Variants in DPYD observed in about 807,000 individuals in gnomAD.
The protein encoded by DPYD is dihydropyrimidine dehydrogenase.
In DPYD, 109 loss-of-function variants were observed where a neutral mutation model predicts 116.2. That is an observed-to-expected ratio of 0.94 (90% CI 0.80 to 1.10). The LOEUF is 1.10. Among genes scored for constraint, DPYD ranks in the 50% least tolerant of loss-of-function variants. The probability of loss-of-function intolerance (pLI) is 0.00; values close to 1 mark genes in which losing one functional copy is unlikely to be tolerated. For missense variants in DPYD, 1,302 were observed against 1,254.5 expected (o/e 1.04, Z -0.57); for synonymous variants, 440 against 432.0 (o/e 1.02, Z -0.23).
At chr1:97,543,513 T>C (rs926843630) in intron 12 of DPYD, among the ~76,000 whole-genome samples, 1 of 152,200 alleles carries the variant, frequency 6.6e-6, no homozygotes, top group African/African-American at 2.4e-5. Flanking sequence ...CTATAATCTG[T>C]TTATAAAATC....
At chr1:97,792,182 C>T (rs1667352178) in intron 3 of DPYD, among the ~76,000 whole-genome samples, 1 of 152,118 alleles carries the variant, frequency 6.6e-6, no homozygotes, top group Admixed American at 6.6e-5. Flanking sequence ...GTAAGAAGAC[C>T]TTAATCATAG....
At chr1:97,544,083 G>A (rs1275384876) in intron 12 of DPYD, among the ~76,000 whole-genome samples, 1 of 152,140 alleles carries the variant, frequency 6.6e-6, no homozygotes, top group African/African-American at 2.4e-5. Flanking sequence ...TCATTGAAGG[G>A]TTTTAAATGA....
At chr1:97,296,647 T>C (rs1283897804) in intron 18 of DPYD, among the ~76,000 whole-genome samples, 1 of 152,096 alleles carries the variant, frequency 6.6e-6, no homozygotes, top group Non-Finnish European at 1.5e-5. Context: ...TCATTTATCA[T>C]TTAAAGACTG....
At chr1:97,226,333 A>G (rs1170466912) in intron 19 of DPYD, among the ~76,000 whole-genome samples, 1 of 152,144 alleles carries the variant, frequency 6.6e-6, no homozygotes, top group Non-Finnish European at 1.5e-5. Context: ...AGAACAAGAC[A>G]AGGATGCCCA....
At chr1:97,516,901 A>T (rs952460045) in intron 12 of DPYD, among the ~76,000 whole-genome samples, 5 of 152,106 alleles carry the variant, frequency 3.3e-5, no homozygotes, top group African/African-American at 1.2e-4. Context: ...GAATTTTCTC[A>T]GCCAAAGCAG....
intron 3 of DPYD, among the ~76,000 whole-genome samples, chr1:97,789,861 G>A (rs957780842): frequency 3.3e-5 from 5 of 152,134 alleles, no homozygotes; most frequent in Admixed American, 2.0e-4. Context: ...CTAGTTATTA[G>A]CATGCAGCTT....
intron 18 of DPYD, among the ~76,000 whole-genome samples, chr1:97,257,834 C>T (rs949185813): frequency 1.3e-5 from 2 of 151,966 alleles, no homozygotes; most frequent in Admixed American, 6.6e-5. Flanking sequence ...AAGAAATGTA[C>T]ACTCTAGCTA....
intron 20 of DPYD, among the ~76,000 whole-genome samples, chr1:97,133,818 T>G (rs1226608202): frequency 6.6e-6 from 1 of 150,834 alleles, no homozygotes; most frequent in Non-Finnish European, 1.5e-5. Flanking sequence ...GCCAACATGG[T>G]GAAATCCCGT....
intron 3 of DPYD, among the ~76,000 whole-genome samples, chr1:97,760,469 C>T (rs961218834): frequency 6.6e-6 from 1 of 151,830 alleles, no homozygotes; most frequent in African/African-American, 2.4e-5. Flanking sequence ...TTTTAAGATA[C>T]AGTATAGCTA....
chr1:97,847,254 G>A (rs755388841), intron 2 of DPYD, among the ~76,000 whole-genome samples: 5 of 152,062 alleles, frequency 3.3e-5, no homozygotes, highest in Admixed American at 6.6e-5. Flanking sequence ...ACAAAAACAC[G>A]TCAAATAATT....
At chr1:97,758,552 A>AG (rs1377301762) in intron 3 of DPYD, among the ~76,000 whole-genome samples, 1 of 152,206 alleles carries the variant, frequency 6.6e-6, no homozygotes, top group African/African-American at 2.4e-5. Context: ...TCCAATCCAC[A>AG]GCAGTAAAAA....
At chr1:97,583,876 A>G (rs1653886819) in intron 10 of DPYD, among the ~76,000 whole-genome samples, 2 of 152,142 alleles carry the variant, frequency 1.3e-5, no homozygotes, top group Admixed American at 6.5e-5. Flanking sequence ...ATAAACATAC[A>G]TGTGCATGTG....
At chr1:97,590,252 T>C (rs1557821584) in intron 10 of DPYD, among the ~76,000 whole-genome samples, 1 of 152,216 alleles carries the variant, frequency 6.6e-6, no homozygotes. Context: ...AATCTAATCA[T>C]ATATTACTTA....
chr1:97,091,964 C>T (rs537281971), intron 21 of DPYD, among the ~76,000 whole-genome samples: 1 of 152,260 alleles, frequency 6.6e-6, no homozygotes, highest in East Asian at 1.9e-4. Flanking sequence ...ATTTCAGGGT[C>T]TTTGCACTTT....
chr1:97,316,444 G>A (rs1008509410), intron 16 of DPYD, among the ~76,000 whole-genome samples: 2 of 151,438 alleles, frequency 1.3e-5, no homozygotes, highest in Non-Finnish European at 2.9e-5. Context: ...AACCCAGGAG[G>A]TGGAGGCTGC....
chr1:97,771,548 C>T (rs936621273), intron 3 of DPYD, among the ~76,000 whole-genome samples: 3 of 152,186 alleles, frequency 2.0e-5, no homozygotes, highest in Admixed American at 2.0e-4. Context: ...TATTTAAAAG[C>T]ACACATTCTA....
chr1:97,466,039 C>G (rs10783067), intron 13 of DPYD, among the ~76,000 whole-genome samples: 1 of 151,990 alleles, frequency 6.6e-6, no homozygotes. Flanking sequence ...AGGAAGAGGC[C>G]GCAGTAAGCT....
At chr1:97,763,604 G>T (rs1665697996) in intron 3 of DPYD, among the ~76,000 whole-genome samples, 1 of 151,930 alleles carries the variant, frequency 6.6e-6, no homozygotes, top group Non-Finnish European at 1.5e-5. Context: ...AGTCTAGTTT[G>T]TCATACACAG....
intron 19 of DPYD, among the ~76,000 whole-genome samples, chr1:97,211,270 T>C (rs1660014583): frequency 6.6e-6 from 1 of 152,170 alleles, no homozygotes; most frequent in Non-Finnish European, 1.5e-5. Context: ...ATGAATCTTC[T>C]CATTCAGTTC....
Sources: allele counts gnomAD v4.1 joint callset (sites outside exome capture counted in the v4.1 genomes callset), GRCh38; gene constraint gnomAD v4.1.1; transcripts MANE v1.5; gene names NCBI Gene and HGNC (gene_info 2026-07-23, HGNC 2026-07-21).